TLL2: variants seen among roughly 807,000 people sequenced by gnomAD.
TLL2 encodes the protein tolloid-like protein 2.
Under a neutral mutation model 123.0 loss-of-function variants are expected in TLL2, and 106 were observed. That is an observed-to-expected ratio of 0.86 (90% CI 0.74 to 1.01). The LOEUF (loss-of-function observed/expected upper bound fraction) is 1.01, where lower values mean the gene tolerates loss of function less well. Among genes scored for constraint, TLL2 ranks in the 50% least tolerant of loss-of-function variants. The probability of loss-of-function intolerance (pLI) is 0.00; values close to 1 mark genes in which losing one functional copy is unlikely to be tolerated. For synonymous variants in TLL2, 494 were observed against 516.8 expected, an observed-to-expected ratio of 0.96 and a Z score of 0.60; for missense variants, 1,332 against 1,336.7, an observed-to-expected ratio of 1.00 and a Z score of 0.06.
At position 96,476,241 on chromosome 10, in the gene TLL2, T is replaced by TATATATATATATTC. The variant is rs1554939631; in HGVS notation, c.286+4107_286+4108insGAATATATATATAT. Among the ~76,000 whole-genome samples, 290 of 71,970 alleles carry TATATATATATATTC rather than the reference T, an allele frequency of 4.0e-3. 17 individuals are homozygous for TATATATATATATTC. Among genetic ancestry groups the TATATATATATATTC allele is most frequent in the Middle Eastern group, 8.9e-3 (1 of 112 alleles). 47.2% of individuals were successfully genotyped at this position (71,970 alleles called of 152,430 possible). A position where few individuals can be genotyped will look rare whatever the true frequency, so the allele number is the denominator to read the frequency against. On this transcript the variant is annotated intron_variant, in intron 2 of 20. Transcript: ENST00000357947. Reference sequence around the variant, plus strand: ...TTATATGTATATATATATATATATATTTTATTTTTGTTGTTGTTGTTGTTG... The same window carrying TATATATATATATTC: ...TTATATGTATATATATATATATATATATATATATATATTCTTTATTTTTGTTGTTGTTGTTGTTG...
intron 2 of TLL2, among the ~76,000 whole-genome samples, chr10:96,475,125 C>A (rs1847224724): frequency 6.6e-6 from 1 of 152,218 alleles, no homozygotes; most frequent in Non-Finnish European, 1.5e-5. Flanking sequence ...GGACCCACTA[C>A]AGTGGTCACA....
At chr10:96,500,144 C>CAAAAA (rs57153896) in intron 1 of TLL2, among the ~76,000 whole-genome samples, 2 of 120,794 alleles carry the variant, frequency 1.7e-5, no homozygotes, top group Non-Finnish European at 3.3e-5. Context: ...AAATCTCTAC[C>CAAAAA]AAAAAAAAAA....
In TLL2 at chr10:96,365,869, A is replaced by G. The variant is rs1042310329; in HGVS notation, c.*2219T>C. On this transcript the variant is annotated 3_prime_UTR_variant, in exon 21 of 21. Coordinates refer to ENST00000357947, the MANE Select transcript of TLL2 (RefSeq NM_012465.4). Reference sequence around the variant, plus strand: ...AGTCCCATTGTTGCAAATTGGCCATATGGTGACAATTGTTGAAGCTGTGTG... The same window carrying G: ...AGTCCCATTGTTGCAAATTGGCCATGTGGTGACAATTGTTGAAGCTGTGTG... 7 of 152,232 alleles carry G rather than the reference A, an allele frequency of 4.6e-5. No homozygotes were observed. Among genetic ancestry groups the G allele is most frequent in the African/African-American group, 1.7e-4 (7 of 41,474 alleles). 9.4% of individuals were successfully genotyped at this position (152,232 alleles called of 1,614,324 possible).
At chr10:96,476,240 A>ATATATATTCTTTTTTTTTTT in intron 2 of TLL2, among the ~76,000 whole-genome samples, 2 of 20,494 alleles carry the variant, frequency 9.8e-5, no homozygotes, top group African/African-American at 3.5e-4. Flanking sequence ...ATATATATAT[A>ATATATATTCTTTTTTTTTTT]TTTTATTTTT....
intron 3 of TLL2, among the ~76,000 whole-genome samples, chr10:96,439,143 C>T (rs1846825536): frequency 7.7e-6 from 1 of 129,980 alleles, no homozygotes; most frequent in Non-Finnish European, 1.6e-5. Context: ...CTCTGTTGCC[C>T]AGGCTGGAGT....
intron 10 of TLL2, among the ~76,000 whole-genome samples, chr10:96,402,671 G>A (rs375444349): frequency 7.2e-5 from 11 of 152,214 alleles, no homozygotes; most frequent in African/African-American, 2.2e-4. Flanking sequence ...GTCCGTACTT[G>A]GCCTGGGGAT....
intron 1 of TLL2, among the ~76,000 whole-genome samples, chr10:96,504,219 G>A (rs1847558860): frequency 6.6e-6 from 1 of 152,186 alleles, no homozygotes; most frequent in Non-Finnish European, 1.5e-5. Context: ...GTAGGGCTCA[G>A]ACATCTGGTT....
rs149042153 is a variant in TLL2, at chr10:96,373,489, G to A, written c.2662+107C>T. ...TTTTATCACGCACCTTCCTCCCCTC[G>A]CCCTCCCCCAGTCAGAATAAAAGGC... On this transcript the variant is annotated intron_variant, in intron 19 of 20. Transcript: ENST00000357947. The A allele has an allele frequency of 1.0e-3, 1,108 of 1,070,372 alleles. 3 individuals are homozygous for A. Among genetic ancestry groups the A allele is most frequent in the Non-Finnish European group, 1.4e-3 (1,003 of 719,628 alleles). The allele number at this position is 1,070,372 out of a possible 1,614,324, so 66.3% of individuals were successfully genotyped here.
intron 5 of TLL2, among the ~76,000 whole-genome samples, chr10:96,424,455 A>G (rs556994678): frequency 1.3e-5 from 2 of 152,328 alleles, no homozygotes; most frequent in South Asian, 4.1e-4. Context: ...GTTTACTCAC[A>G]GAAGCTTAAA....
chr10:96,432,744 C>T, intron 4 of TLL2, 63 bp downstream of exon 4: 2 of 1,570,410 alleles, frequency 1.3e-6, no homozygotes, highest in Non-Finnish European at 1.7e-6. Flanking sequence ...CCTAGAAGGA[C>T]TCTCTCAACC....
chr10:96,413,438 TCTCCC>T, intron 7 of TLL2, 122 bp from the exon 8 acceptor site: 6 of 1,268,578 alleles, frequency 4.7e-6, no homozygotes, highest in Non-Finnish European at 6.4e-6. Context: ...CTGGCCAGCC[TCTCCC>T]AGGCTGGCAT....
rs1258919983 is a variant in TLL2 at position 96,471,386 on chromosome 10, G to T, written c.286+8963C>A. ...AATCCAAATCCAAGCATCTGATAGA[G>T]CACACTGATACAGGCCCTGCTCCAG... On this transcript the variant is annotated intron_variant, in intron 2 of 20. Transcript: ENST00000357947. 5.3e-5 allele frequency among the ~76,000 whole-genome samples: 8 copies of T among 152,164 alleles called. 1 individual carries two copies. The highest frequency in any genetic ancestry group is 1.2e-4 in the Non-Finnish European group (8 of 68,034).
chr10:96,415,433 G>A (rs879397200), intron 7 of TLL2, among the ~76,000 whole-genome samples: 1 of 151,572 alleles, frequency 6.6e-6, no homozygotes, highest in Non-Finnish European at 1.5e-5. Flanking sequence ...CCCTGCTCTG[G>A]GTCTTAATCA....
intron 2 of TLL2, among the ~76,000 whole-genome samples, chr10:96,450,614 T>G (rs1273392831): frequency 6.6e-6 from 1 of 152,222 alleles, no homozygotes; most frequent in Non-Finnish European, 1.5e-5. Flanking sequence ...ACAGACACTT[T>G]GAACACTAGC....
At chr10:96,397,648 T>C (rs1846354704) in intron 10 of TLL2, among the ~76,000 whole-genome samples, 1 of 152,212 alleles carries the variant, frequency 6.6e-6, no homozygotes, top group South Asian at 2.1e-4. Context: ...AGATTTCCTT[T>C]CCTGGTGTTT....
At chr10:96,377,074 C>T (rs1846145178) in intron 17 of TLL2, among the ~76,000 whole-genome samples, 1 of 152,194 alleles carries the variant, frequency 6.6e-6, no homozygotes, top group Non-Finnish European at 1.5e-5. Flanking sequence ...TGCAGTTATC[C>T]TTGCAAATAT....
intron 2 of TLL2, among the ~76,000 whole-genome samples, chr10:96,453,011 A>G (rs1846975966): frequency 6.6e-6 from 1 of 152,244 alleles, no homozygotes; most frequent in Non-Finnish European, 1.5e-5. Flanking sequence ...AAAATGAGTT[A>G]AAAGACCATT....
chr10:96,481,279 T>C (rs1195138746), intron 1 of TLL2, among the ~76,000 whole-genome samples: 1 of 152,048 alleles, frequency 6.6e-6, no homozygotes, highest in Non-Finnish European at 1.5e-5. Flanking sequence ...CCCAAGTAGC[T>C]AGGACTCCAG....
At chr10:96,413,599 C>T (rs1162570292) in intron 7 of TLL2, among the ~76,000 whole-genome samples, 1 of 152,188 alleles carries the variant, frequency 6.6e-6, no homozygotes, top group Non-Finnish European at 1.5e-5. Flanking sequence ...AGGGATGTGT[C>T]CTGAGCATTT....
Sources: allele counts gnomAD v4.1 joint callset (sites outside exome capture counted in the v4.1 genomes callset), GRCh38; gene constraint gnomAD v4.1.1; transcripts MANE v1.5; gene names NCBI Gene and HGNC (gene_info 2026-07-23, HGNC 2026-07-21).